Variants in SNAP91 observed in about 807,000 individuals in gnomAD.
SNAP91 encodes synaptosome associated protein 91, also known as clathrin coat assembly protein AP180.
Under a neutral mutation model 100.3 loss-of-function variants are expected in SNAP91, and 27 were observed. That is an observed-to-expected ratio of 0.27 (90% CI 0.20 to 0.37). The LOEUF (loss-of-function observed/expected upper bound fraction) is 0.37. Among genes scored for constraint, SNAP91 ranks in the 10% least tolerant of loss-of-function variants. SNAP91 has a pLI of 1.00. For synonymous variants in SNAP91, 404 were observed against 398.6 expected (o/e 1.01, Z -0.16); for missense variants, 986 against 1,123.7 (o/e 0.88, Z 1.75).
At chr6:83,707,744 C>A (rs2129086982) in intron 2 of SNAP91, 54 bp downstream of exon 2, 2 of 1,602,414 alleles carry the variant, frequency 1.2e-6, no homozygotes, top group South Asian at 2.2e-5. Flanking sequence ...GCACCACCAG[C>A]ATCCCAGGCG....
chr6:83,618,399 C>G (rs2096584331), intron 9 of SNAP91, among the ~76,000 whole-genome samples: 1 of 151,412 alleles, frequency 6.6e-6, no homozygotes. Flanking sequence ...TTATCGGCAT[C>G]TAATAAGTTT....
intron 7 of SNAP91, among the ~76,000 whole-genome samples, chr6:83,656,375 C>T (rs1222269577): frequency 6.6e-6 from 1 of 152,186 alleles, no homozygotes; most frequent in Non-Finnish European, 1.5e-5. Flanking sequence ...GGCTTCCCAT[C>T]GCCAAGGCTT....
chr6:83,657,007 A>C (rs925926012), intron 6 of SNAP91, 142 bp from the exon 7 acceptor site: 8 of 579,928 alleles, frequency 1.4e-5, no homozygotes, highest in Non-Finnish European at 2.4e-5. Context: ...TAACCCTACC[A>C]ATATCAAAAG....
chr6:83,667,443 T>C (rs1195774050), intron 2 of SNAP91, among the ~76,000 whole-genome samples: 1 of 152,072 alleles, frequency 6.6e-6, no homozygotes, highest in Non-Finnish European at 1.5e-5. Flanking sequence ...TGGTCTTTTA[T>C]TGAGTAAGAA....
chr6:83,564,445 C>G (rs1179729911), intron 26 of SNAP91, among the ~76,000 whole-genome samples: 1 of 151,366 alleles, frequency 6.6e-6, no homozygotes, highest in East Asian at 1.9e-4. Flanking sequence ...TCAAGTGATT[C>G]TCTACTTCCC....
chr6:83,607,329 T>TTGTGTGTGTGTGTGTGTGTGTG (rs61335064), intron 13 of SNAP91, among the ~76,000 whole-genome samples: 28 of 144,890 alleles, frequency 1.9e-4, no homozygotes, highest in African/African-American at 6.7e-4. Context: ...CCAAGTTGGG[T>TTGTGTGTGTGTGTGTGTGTGTG]TGTGTGTGTG....
intron 8 of SNAP91, among the ~76,000 whole-genome samples, chr6:83,627,369 T>C (rs140825665): frequency 6.6e-6 from 1 of 152,224 alleles, no homozygotes; most frequent in Non-Finnish European, 1.5e-5. Flanking sequence ...TTTCACAGAA[T>C]GAGTTAGGGA....
At position 83,605,752 on chromosome 6, in the gene SNAP91, A is replaced by C. The variant is rs1202081964; in HGVS notation, c.1074T>G (p.Ser358=). Reference sequence around the variant, plus strand: ...GTGCTGCGGCTGCTGCTGCCCCTCCAGAGGAAAAGTCTGGCTGGAGGTCCA... The same window carrying C: ...GTGCTGCGGCTGCTGCTGCCCCTCCCGAGGAAAAGTCTGGCTGGAGGTCCA... ...DLLDLQPDFS[S]GGAAAAAAPA... The change falls in exon 14 of 30, where the codon TCT becomes TCG. Residue 358 remains serine (S), a synonymous_variant. Coordinates refer to ENST00000369694, the MANE Select transcript of SNAP91 (RefSeq NM_001242792.2). 6.4e-7 allele frequency: 1 copy of C among 1,553,462 alleles called. No individual in the cohort carries two copies. Among genetic ancestry groups the C allele is most frequent in the Admixed American group, 2.0e-5 (1 of 51,228 alleles).
At chr6:83,604,185 T>C (rs1219714139) in intron 14 of SNAP91, among the ~76,000 whole-genome samples, 2 of 152,046 alleles carry the variant, frequency 1.3e-5, no homozygotes, top group African/African-American at 2.4e-5. Flanking sequence ...AAAGACAATA[T>C]GGTAATGAAA....
chr6:83,699,448 G>C (rs2129041447), intron 2 of SNAP91, among the ~76,000 whole-genome samples: 1 of 152,032 alleles, frequency 6.6e-6, no homozygotes, highest in South Asian at 2.1e-4. Flanking sequence ...GCTAAACAGA[G>C]AATTAATGAA....
chr6:83,689,673 A>T (rs1424291998), intron 2 of SNAP91: 1 of 152,156 alleles, frequency 6.6e-6, no homozygotes, highest in Non-Finnish European at 1.5e-5. Context: ...AAGAGAAGAC[A>T]GTAAAGAAAA....
intron 11 of SNAP91, among the ~76,000 whole-genome samples, chr6:83,613,597 C>T (rs2096285964): frequency 6.6e-6 from 1 of 152,208 alleles, no homozygotes; most frequent in Non-Finnish European, 1.5e-5. Context: ...TAATAACTTT[C>T]CCATGTCTCA....
rs1586735358 is a variant in SNAP91, at chr6:83,671,026, T to C, written c.131-5445A>G. Among the ~76,000 whole-genome samples, 2 of 152,040 alleles carry C rather than the reference T, an allele frequency of 1.3e-5. 1 individual carries two copies. The highest frequency in any genetic ancestry group is 4.8e-5 in the African/African-American group (2 of 41,440). ...TTCCGTATGAGTTTTAGACTGAGCT[T>C]ATCAACTTTAACAGCAACAAAAAAG... On this transcript the variant is annotated intron_variant, in intron 2 of 29. Coordinates refer to ENST00000369694, the MANE Select transcript of SNAP91 (RefSeq NM_001242792.2).
intron 3 of SNAP91, among the ~76,000 whole-genome samples, chr6:83,665,104 T>C (rs1682624502): frequency 1.3e-5 from 2 of 152,268 alleles, no homozygotes; most frequent in South Asian, 4.1e-4. Context: ...AGTATAAATG[T>C]AAATGTAACT....
chr6:83,673,367 C>T (rs573852778), intron 2 of SNAP91, among the ~76,000 whole-genome samples: 9 of 152,118 alleles, frequency 5.9e-5, no homozygotes, highest in Non-Finnish European at 1.2e-4. Context: ...TTCCTCCATG[C>T]AAGGGCACAA....
intron 11 of SNAP91, among the ~76,000 whole-genome samples, chr6:83,613,413 T>C (rs184289935): frequency 6.6e-6 from 1 of 152,350 alleles, no homozygotes; most frequent in East Asian, 1.9e-4. Context: ...TAAAAAGTTA[T>C]TTTCTGTGAA....
intron 13 of SNAP91, among the ~76,000 whole-genome samples, 170 bp from the exon 14 acceptor site, chr6:83,605,973 T>C (rs1186488165): frequency 6.6e-6 from 1 of 152,246 alleles, no homozygotes; most frequent in Non-Finnish European, 1.5e-5. Flanking sequence ...GTTGGCAAAC[T>C]ACTTTTGTCA....
In SNAP91 at chr6:83,648,262, TTTATG is replaced by T. The variant is rs139504020; in HGVS notation, c.659-7065_659-7061del. Among the ~76,000 whole-genome samples the T allele has an allele frequency of 2.6e-5, 4 of 152,344 alleles. No individual in the cohort carries two copies. The East Asian group carries it at 7.7e-4, about 29-fold the overall frequency. On this transcript the variant is annotated intron_variant, in intron 7 of 29. Coordinates refer to ENST00000369694, the MANE Select transcript of SNAP91 (RefSeq NM_001242792.2). Reference sequence around the variant, plus strand: ...TTGAACCTAATGATTTTGAAATTCATTTATGTTATTACATAAATGTAACAGTTAAT... The same window carrying T: ...TTGAACCTAATGATTTTGAAATTCATTTATTACATAAATGTAACAGTTAAT...
chr6:83,654,636 G>A (rs902496706), intron 7 of SNAP91, among the ~76,000 whole-genome samples: 8 of 144,812 alleles, frequency 5.5e-5, no homozygotes, highest in African/African-American at 1.7e-4. Flanking sequence ...AGTTTGAGTA[G>A]ATATACTTCA....
Sources: allele counts gnomAD v4.1 joint callset (sites outside exome capture counted in the v4.1 genomes callset), GRCh38; gene constraint gnomAD v4.1.1; transcripts MANE v1.5; gene names NCBI Gene and HGNC (gene_info 2026-07-23, HGNC 2026-07-21).